EXPH5: variants seen among roughly 807,000 people sequenced by gnomAD.
The protein encoded by EXPH5 is exophilin 5.
EXPH5 carries 42 observed loss-of-function variants against 41.1 expected under a neutral mutation model. That is an observed-to-expected ratio of 1.02 (90% CI 0.80 to 1.32). The LOEUF is 1.32. Among genes scored for constraint, EXPH5 ranks in the 40% most tolerant of loss-of-function variants. The pLI is 0.00. For missense variants in EXPH5, 2,298 were observed against 2,314.5 expected (o/e 0.99, Z 0.15); for synonymous variants, 798 against 833.5 (o/e 0.96, Z 0.73).
intron 3 of EXPH5, among the ~76,000 whole-genome samples, chr11:108,536,761 T>A (rs943957724): frequency 2.8e-4 from 43 of 152,228 alleles, no homozygotes; most frequent in African/African-American, 1.0e-3. Context: ...CATTTCTCAG[T>A]TAGAACCAAA....
intron 1 of EXPH5, among the ~76,000 whole-genome samples, chr11:108,545,796 A>T (rs1460115983): frequency 1.3e-5 from 2 of 151,920 alleles, no homozygotes; most frequent in Non-Finnish European, 2.9e-5. Flanking sequence ...CCAACTGTTC[A>T]GGAGGCTGAG....
chr11:108,556,820 CA>C (rs140938477), intron 1 of EXPH5, among the ~76,000 whole-genome samples: 11,949 of 152,156 alleles, frequency 0.079, 592 homozygotes, highest in Non-Finnish European at 0.11. Flanking sequence ...TAAGATATAT[CA>C]TGCCATCCCC....
intron 1 of EXPH5, among the ~76,000 whole-genome samples, chr11:108,560,745 A>C (rs1565822609): frequency 6.6e-6 from 1 of 152,250 alleles, no homozygotes; most frequent in Non-Finnish European, 1.5e-5. Flanking sequence ...AAAATGAAAT[A>C]CTGCCAGCAG....
chr11:108,517,456 C>G (rs1270236236), intron 5 of EXPH5, among the ~76,000 whole-genome samples: 1 of 152,212 alleles, frequency 6.6e-6, no homozygotes, highest in African/African-American at 2.4e-5. Context: ...GATGGTATTG[C>G]CTTTGCAAAC....
chr11:108,522,001 C>T (rs893698804), intron 4 of EXPH5, among the ~76,000 whole-genome samples: 2 of 152,176 alleles, frequency 1.3e-5, no homozygotes, highest in Admixed American at 6.5e-5. Flanking sequence ...AGAATCACTA[C>T]CCTCTAGAGA....
chr11:108,573,808 G>T (rs986842902), intron 1 of EXPH5, among the ~76,000 whole-genome samples: 5 of 152,120 alleles, frequency 3.3e-5, no homozygotes, highest in African/African-American at 1.2e-4. Flanking sequence ...AAAAACAAAA[G>T]GTGAAGCAGG....
In EXPH5 at chr11:108,513,942, C is replaced by G. The variant is rs2093702954; in HGVS notation, c.1565G>C (p.Gly522Ala). 6.2e-7 allele frequency: 1 copy of G among 1,607,214 alleles called. No individual in the cohort carries two copies. The highest frequency in any genetic ancestry group is 1.3e-5 in the African/African-American group (1 of 74,620). ...CCAGTGTTCAGAAGAAACATTATGG[C>G]CATGAATGGCTGATACACTATTTGC... ...MEANSVSAIH[G>A]HNVSSEHWES... is the part of the protein sequence containing the mutation. Residue 522 changes from glycine to alanine, a missense_variant, in exon 6 of 6, where the codon GGC (glycine) becomes GCC (alanine). Physicochemically the swap from Gly to Ala is moderately conservative, Grantham distance 60. Coordinates refer to ENST00000265843, the MANE Select transcript of EXPH5 (RefSeq NM_015065.3).
At chr11:108,542,627 T>C (rs1210632247) in intron 1 of EXPH5, among the ~76,000 whole-genome samples, 1 of 152,214 alleles carries the variant, frequency 6.6e-6, no homozygotes, top group East Asian at 1.9e-4. Context: ...CAACAGTGAA[T>C]GTAAAAAATA....
intron 1 of EXPH5, among the ~76,000 whole-genome samples, chr11:108,548,388 A>G (rs778256738): frequency 1.4e-4 from 21 of 152,180 alleles, no homozygotes; most frequent in Admixed American, 7.2e-4. Flanking sequence ...TGTTTCCTGA[A>G]GATAGTGAGA....
chr11:108,510,302 G>A lies in EXPH5; in HGVS notation c.5205C>T (p.Ile1735=). ...CTGCTTCCCTGAGGCTGGTGAATGT[G>A]ATGGGTGATGGGGCTCCTGATTCTC... ...LVRESGAPSP[I]TFTSLREAEF... is the part of the protein sequence containing the mutation. Residue 1735 remains isoleucine (I), a synonymous_variant, in exon 6 of 6, where the codon ATC becomes ATT. Coordinates refer to ENST00000265843, the MANE Select transcript of EXPH5 (RefSeq NM_015065.3). The A allele has an allele frequency of 1.9e-6, 3 of 1,614,158 alleles. No homozygotes were observed. The highest frequency in any genetic ancestry group is 2.5e-6 in the Non-Finnish European group (3 of 1,180,026).
chr11:108,575,693 G>T (rs1029085839), intron 1 of EXPH5, among the ~76,000 whole-genome samples: 1 of 152,182 alleles, frequency 6.6e-6, no homozygotes, highest in Non-Finnish European at 1.5e-5. Context: ...GTGGGCGAAG[G>T]CTGGGTGCGG....
chr11:108,587,583 AG>A (rs1197559304), intron 1 of EXPH5, among the ~76,000 whole-genome samples: 2 of 152,248 alleles, frequency 1.3e-5, no homozygotes, highest in Non-Finnish European at 2.9e-5. Context: ...GAAAAGGACA[AG>A]GGCAGAAAAA....
intron 5 of EXPH5, among the ~76,000 whole-genome samples, chr11:108,516,174 A>G (rs2093725721): frequency 6.6e-6 from 1 of 152,154 alleles, no homozygotes; most frequent in Admixed American, 6.5e-5. Context: ...ATAGTTTTAC[A>G]AAGACGTGAA....
intron 1 of EXPH5, among the ~76,000 whole-genome samples, chr11:108,587,327 G>T (rs552808178): frequency 6.6e-6 from 1 of 152,172 alleles, no homozygotes; most frequent in Non-Finnish European, 1.5e-5. Flanking sequence ...TGCTAATGAG[G>T]AATGAAAGTA....
At chr11:108,557,727 T>C (rs937331560) in intron 1 of EXPH5, among the ~76,000 whole-genome samples, 1 of 152,210 alleles carries the variant, frequency 6.6e-6, no homozygotes, top group African/African-American at 2.4e-5. Context: ...TGATTATATC[T>C]CTTGTAGCCC....
At chr11:108,533,850 C>T (rs1212339930) in intron 3 of EXPH5, among the ~76,000 whole-genome samples, 3 of 152,164 alleles carry the variant, frequency 2.0e-5, no homozygotes, top group Admixed American at 1.3e-4. Flanking sequence ...GGCTGGAGTG[C>T]AGTGGCACAA....
rs373105039 is a variant in EXPH5, at chr11:108,512,216, C to T, written c.3291G>A (p.Glu1097=). The change falls in exon 6 of 6, where the codon GAG becomes GAA. Residue 1097 remains glutamate (E), a synonymous_variant. Transcript: ENST00000265843. ...CACTGCTTTTTACATTTGTCATTCT[C>T]TCTGTGGCTTCAGGTGCTTCCAGGG... ...DSALEAPEAT[E]RMTNVKSSGS... is the part of the protein sequence containing the mutation. 6.2e-7 allele frequency: 1 copy of T among 1,607,938 alleles called. No homozygotes were observed. The highest frequency in any genetic ancestry group is 8.5e-7 in the Non-Finnish European group (1 of 1,178,068).
At chr11:108,538,817 G>A (rs1055138878) in intron 3 of EXPH5, among the ~76,000 whole-genome samples, 9 of 152,204 alleles carry the variant, frequency 5.9e-5, no homozygotes, top group South Asian at 2.1e-4. Context: ...TCTGCAGCTC[G>A]TTAGAAGTTG....
chr11:108,607,344 A>G, the EXPH5 span, among the ~76,000 whole-genome samples: 3 of 152,352 alleles, frequency 2.0e-5, no homozygotes, highest in South Asian at 2.1e-4. Flanking sequence ...TGTGGGGTGA[A>G]TATGGAGTCA....
Sources: gnomAD v4.1 joint callset for allele counts (sites outside exome capture counted in the v4.1 genomes callset) on GRCh38, gnomAD v4.1.1 for gene constraint, MANE v1.5 for transcripts, NCBI Gene and HGNC (gene_info 2026-07-23, HGNC 2026-07-21) for gene names.